The following CNTNAP2 variants were observed in gnomAD, a reference collection of about 807,000 sequenced individuals.
CNTNAP2 encodes the protein contactin-associated protein-like 2.
A neutral mutation model predicts 155.2 loss-of-function variants in CNTNAP2; 98 were observed. The ratio of observed to expected loss-of-function variants is 0.63; its 90% confidence interval spans 0.54 to 0.75. The LOEUF (loss-of-function observed/expected upper bound fraction) is 0.75. Among genes scored for constraint, CNTNAP2 ranks in the 30% least tolerant of loss-of-function variants. The pLI is 0.00. For missense variants in CNTNAP2, 1,727 were observed against 1,688.1 expected, an observed-to-expected ratio of 1.02 and a Z score of -0.40; for synonymous variants, 651 against 631.2, an observed-to-expected ratio of 1.03 and a Z score of -0.47.
intron 15 of CNTNAP2, among the ~76,000 whole-genome samples, chr7:147,980,153 A>C (rs977144639): frequency 1.3e-5 from 2 of 152,250 alleles, no homozygotes; most frequent in Non-Finnish European, 2.9e-5. Flanking sequence ...ATGAAAAAAT[A>C]TTGGAAAACA....
At chr7:146,856,017 C>T (rs562508518) in intron 3 of CNTNAP2, among the ~76,000 whole-genome samples, 3 of 150,814 alleles carry the variant, frequency 2.0e-5, no homozygotes, top group African/African-American at 4.9e-5. Context: ...AGGTTGTGGT[C>T]GAGAAAGAAA....
chr7:148,327,979 G>C (rs1349413826), intron 21 of CNTNAP2, among the ~76,000 whole-genome samples: 1 of 152,198 alleles, frequency 6.6e-6, no homozygotes, highest in Non-Finnish European at 1.5e-5. Flanking sequence ...TTTGACAAAG[G>C]TAGTTAGGGC....
intron 13 of CNTNAP2, among the ~76,000 whole-genome samples, chr7:147,869,462 C>T (rs1050477913): frequency 2.6e-5 from 4 of 152,252 alleles, no homozygotes; most frequent in Non-Finnish European, 4.4e-5. Flanking sequence ...CAAAGTACAA[C>T]TACTGAAAAA....
At chr7:146,541,647 A>C (rs534466868) in intron 1 of CNTNAP2, among the ~76,000 whole-genome samples, 1 of 152,074 alleles carries the variant, frequency 6.6e-6, no homozygotes, top group South Asian at 2.1e-4. Context: ...TGAGGTTATT[A>C]AACAGCAAAA....
Position 146,936,125 on chromosome 7 carries a change from A to C in CNTNAP2, c.402+96221A>C, listed in dbSNP as rs544984489. 7.2e-5 allele frequency among the ~76,000 whole-genome samples: 11 copies of C among 152,310 alleles called. No homozygotes were observed. In the South Asian group the frequency reaches 2.3e-3, roughly 32 times the overall value. On this transcript the variant is annotated intron_variant, in intron 3 of 23. Transcript: ENST00000361727. ...AATGATGGTAACTGAGAGTAGCATT[A>C]AGGCCCTAAAGTTTGGTCACACTCT... is the stretch of plus-strand genomic sequence containing the variant.
intron 1 of CNTNAP2, among the ~76,000 whole-genome samples, chr7:146,366,748 A>C (rs1795161405): frequency 6.6e-6 from 1 of 152,164 alleles, no homozygotes; most frequent in Non-Finnish European, 1.5e-5. Flanking sequence ...CATGCACTGA[A>C]TATAAGAATT....
chr7:148,156,871 A>C (rs1271201880), intron 17 of CNTNAP2, among the ~76,000 whole-genome samples: 1 of 151,852 alleles, frequency 6.6e-6, no homozygotes, highest in African/African-American at 2.4e-5. Flanking sequence ...TTCCCTCATC[A>C]CTTCCTATCC....
chr7:147,153,402 G>C (rs761229657), intron 8 of CNTNAP2, among the ~76,000 whole-genome samples: 3 of 152,234 alleles, frequency 2.0e-5, no homozygotes, highest in Non-Finnish European at 2.9e-5. Context: ...AGGAGAATAA[G>C]AGGGATTTGG....
intron 14 of CNTNAP2, among the ~76,000 whole-genome samples, chr7:147,906,605 GC>G (rs1311615162): frequency 2.7e-5 from 4 of 150,470 alleles, no homozygotes; most frequent in Non-Finnish European, 5.9e-5. Flanking sequence ...GACTACAGGT[GC>G]CCACCACCAT....
intron 1 of CNTNAP2, among the ~76,000 whole-genome samples, chr7:146,349,198 G>A (rs1469191638): frequency 2.0e-5 from 3 of 152,210 alleles, no homozygotes; most frequent in East Asian, 3.9e-4. Flanking sequence ...AATTCTATTC[G>A]CCAGAAATAA....
At chr7:147,552,753 A>T (rs985431092) in intron 11 of CNTNAP2, among the ~76,000 whole-genome samples, 2 of 152,142 alleles carry the variant, frequency 1.3e-5, no homozygotes, top group African/African-American at 4.8e-5. Context: ...ATTCAGCACA[A>T]TGTTTAAACA....
In CNTNAP2 at chr7:147,108,233, G is replaced by A. The variant is rs886062050; in HGVS notation, c.637G>A (p.Ala213Thr). ...KKMKTLKDVI[A>T]LNFKTSESEG... is the part of the protein sequence containing the mutation. ...GATGAAAACACTGAAAGATGTCATT[G>A]CCTTGAACTTTAAGACGTCTGAAAG... The change falls in exon 5 of 24, where the codon GCC (alanine) becomes ACC (threonine). Residue 213 changes from alanine (A) to threonine (T), a missense_variant. Coordinates refer to ENST00000361727, the MANE Select transcript of CNTNAP2 (RefSeq NM_014141.6). 6.2e-7 allele frequency: 1 copy of A among 1,613,652 alleles called. No homozygotes were observed. The highest frequency in any genetic ancestry group is 8.5e-7 in the Non-Finnish European group (1 of 1,179,768).
chr7:147,445,423 T>G (rs961335563), intron 10 of CNTNAP2, among the ~76,000 whole-genome samples: 1 of 152,188 alleles, frequency 6.6e-6, no homozygotes, highest in Admixed American at 6.5e-5. Context: ...GATCCCAAAA[T>G]TGTGGATCTA....
At chr7:147,816,365 C>T (rs1426491342) in intron 13 of CNTNAP2, among the ~76,000 whole-genome samples, 3 of 151,898 alleles carry the variant, frequency 2.0e-5, no homozygotes, top group Admixed American at 6.5e-5. Context: ...CGGGTATGTA[C>T]GGGAAGGTCT....
chr7:146,382,942 A>G (rs780679589), intron 1 of CNTNAP2, among the ~76,000 whole-genome samples: 1 of 152,168 alleles, frequency 6.6e-6, no homozygotes, highest in African/African-American at 2.4e-5. Flanking sequence ...AATGTAACCT[A>G]TGAGATTATT....
intron 4 of CNTNAP2, among the ~76,000 whole-genome samples, chr7:147,083,819 T>C (rs1197891940): frequency 7.1e-6 from 1 of 141,784 alleles, no homozygotes; most frequent in Non-Finnish European, 1.5e-5. Flanking sequence ...GTACATATTA[T>C]ATACATATAC....
intron 9 of CNTNAP2, among the ~76,000 whole-genome samples, chr7:147,302,914 C>A (rs1794970659): frequency 6.6e-6 from 1 of 152,216 alleles, no homozygotes. Flanking sequence ...CATAAACATT[C>A]TTCTGCAAGC....
chr7:147,503,236 A>G (rs1310268551), intron 11 of CNTNAP2, among the ~76,000 whole-genome samples: 1 of 151,966 alleles, frequency 6.6e-6, no homozygotes, highest in Non-Finnish European at 1.5e-5. Flanking sequence ...GCCTCAATCT[A>G]TTCTCTGCCT....
chr7:147,370,475 C>G (rs1197137741), intron 9 of CNTNAP2, among the ~76,000 whole-genome samples: 2 of 151,986 alleles, frequency 1.3e-5, no homozygotes, highest in Non-Finnish European at 2.9e-5. Flanking sequence ...TTCAGGAATT[C>G]CGTGAGTCGC....
Sources: gnomAD v4.1 joint callset for allele counts (sites outside exome capture counted in the v4.1 genomes callset) on GRCh38, gnomAD v4.1.1 for gene constraint, MANE v1.5 for transcripts, NCBI Gene and HGNC (gene_info 2026-07-23, HGNC 2026-07-21) for gene names.